The following SIPA1L1 variants were observed in gnomAD, a reference collection of about 807,000 sequenced individuals.
SIPA1L1 encodes the protein signal-induced proliferation-associated 1-like protein 1.
SIPA1L1 carries 26 observed loss-of-function variants against 162.7 expected under a neutral mutation model. The observed-to-expected ratio is 0.16, with a 90% CI of 0.12 to 0.22. SIPA1L1 has a LOEUF of 0.22. SIPA1L1 is among the 10% of genes least tolerant of loss of function. The pLI is 1.00. For missense variants in SIPA1L1, 1,874 were observed against 2,241.0 expected (o/e 0.84, Z 3.31); for synonymous variants, 829 against 837.4 (o/e 0.99, Z 0.17).
intron 7 of SIPA1L1, among the ~76,000 whole-genome samples, chr14:71,627,712 G>C (rs2040174800): frequency 6.6e-6 from 1 of 152,018 alleles, no homozygotes; most frequent in South Asian, 2.1e-4. Context: ...CAGCAACCCT[G>C]TGCAATAGAT....
chr14:71,516,844 G>A (rs944166670), intron 3 of SIPA1L1, among the ~76,000 whole-genome samples: 8 of 151,880 alleles, frequency 5.3e-5, no homozygotes, highest in Non-Finnish European at 1.2e-4. Context: ...GTGGTGGCGG[G>A]CGCCTGTAAT....
At position 71,324,973 on chromosome 14, in the gene SIPA1L1, G is replaced by A. The variant is rs369883837; in HGVS notation, c.-465+3792G>A. 3.8e-4 allele frequency among the ~76,000 whole-genome samples: 58 copies of A among 152,274 alleles called. No homozygotes were observed. The East Asian group carries it at 6.8e-3, about 18-fold the overall frequency. On this transcript the variant is annotated intron_variant, in intron 2 of 23. Coordinates refer to ENST00000381232, the MANE Select transcript of SIPA1L1 (RefSeq NM_001386936.1). ...ATGTTGCGCCACCCTACCTTCCAGT[G>A]GAGTAATCTGAGCCAGCAGAGAAGA...
chr14:71,627,408 A>G (rs1041453270), intron 7 of SIPA1L1, among the ~76,000 whole-genome samples: 1 of 151,942 alleles, frequency 6.6e-6, no homozygotes, highest in Non-Finnish European at 1.5e-5. Flanking sequence ...TGGCCTCCCA[A>G]AGTGCTGGAA....
At chr14:71,674,570 G>GT (rs146359962) in intron 12 of SIPA1L1, among the ~76,000 whole-genome samples, 3,264 of 114,112 alleles carry the variant, frequency 0.029, 143 homozygotes, top group African/African-American at 0.095. Flanking sequence ...GTTTTTTTTT[G>GT]TTTTTTTTTT....
At chr14:71,336,409 TTC>T (rs1345693266) in intron 2 of SIPA1L1, among the ~76,000 whole-genome samples, 1 of 152,172 alleles carries the variant, frequency 6.6e-6, no homozygotes, top group Non-Finnish European at 1.5e-5. Flanking sequence ...CTAACCTACT[TTC>T]TGTCTTTATA....
chr14:71,519,131 C>T (rs2052037823), intron 3 of SIPA1L1, among the ~76,000 whole-genome samples: 2 of 151,718 alleles, frequency 1.3e-5, no homozygotes, highest in African/African-American at 2.4e-5. Flanking sequence ...CCCATCCCTA[C>T]AAAAAACTAG....
intron 7 of SIPA1L1, among the ~76,000 whole-genome samples, chr14:71,649,910 T>C (rs981469333): frequency 6.6e-6 from 1 of 152,116 alleles, no homozygotes; most frequent in African/African-American, 2.4e-5. Context: ...CAAAACAGTT[T>C]ATTTTAAAAT....
At chr14:71,581,173 A>G (rs2033878095) in intron 4 of SIPA1L1, among the ~76,000 whole-genome samples, 1 of 152,058 alleles carries the variant, frequency 6.6e-6, no homozygotes, top group Non-Finnish European at 1.5e-5. Flanking sequence ...GTTTAATAAA[A>G]TTAGTGGTGG....
At chr14:71,482,580 A>G (rs989275655) in intron 2 of SIPA1L1, among the ~76,000 whole-genome samples, 3 of 152,218 alleles carry the variant, frequency 2.0e-5, no homozygotes, top group African/African-American at 4.8e-5. Context: ...AACGCGCCTC[A>G]TTAAATCTGT....
At chr14:71,400,459 A>G (rs2041583936) in intron 2 of SIPA1L1, among the ~76,000 whole-genome samples, 1 of 152,020 alleles carries the variant, frequency 6.6e-6, no homozygotes, top group Non-Finnish European at 1.5e-5. Flanking sequence ...ATGCTTTGCA[A>G]AGGAGCAAAT....
chr14:71,327,808 T>C (rs1312231307), intron 2 of SIPA1L1, among the ~76,000 whole-genome samples: 3 of 152,230 alleles, frequency 2.0e-5, no homozygotes, highest in Non-Finnish European at 4.4e-5. Flanking sequence ...CCTCAGAAGC[T>C]TCTGCCAGTA....
chr14:71,563,561 GA>G (rs1290551445), intron 4 of SIPA1L1, among the ~76,000 whole-genome samples: 1 of 152,120 alleles, frequency 6.6e-6, no homozygotes, highest in African/African-American at 2.4e-5. Context: ...ATCTTCAAAT[GA>G]TTTTGAGTGT....
intron 2 of SIPA1L1, among the ~76,000 whole-genome samples, chr14:71,346,456 A>G (rs1225429670): frequency 6.6e-6 from 1 of 152,212 alleles, no homozygotes; most frequent in East Asian, 1.9e-4. Context: ...CCTCTTGCAC[A>G]TGAGATTTTT....
chr14:71,554,672 T>G lies in SIPA1L1; in HGVS notation c.-303+25302T>G, dbSNP rs576627916. ...TCCTGTGATTTGATTCTTCATAAAA[T>G]TTTTTGGTGAGGTTTTGGGAATTTC... On this transcript the variant is annotated intron_variant, in intron 4 of 23. Coordinates refer to ENST00000381232, the MANE Select transcript of SIPA1L1 (RefSeq NM_001386936.1). Among the ~76,000 whole-genome samples, 13 of 152,338 alleles carry G rather than the reference T, an allele frequency of 8.5e-5. No individual in the cohort carries two copies. The South Asian group carries it at 2.7e-3, about 32-fold the overall frequency.
At chr14:71,564,126 T>A (rs1045113844) in intron 4 of SIPA1L1, among the ~76,000 whole-genome samples, 2 of 151,978 alleles carry the variant, frequency 1.3e-5, no homozygotes, top group African/African-American at 4.8e-5. Context: ...TTTAAATTTG[T>A]TTTTTTGAGA....
chr14:71,564,111 C>G (rs1353367571), intron 4 of SIPA1L1, among the ~76,000 whole-genome samples: 2 of 151,928 alleles, frequency 1.3e-5, no homozygotes, highest in Non-Finnish European at 2.9e-5. Context: ...CATGCCTGGC[C>G]AATTTTTAAA....
At chr14:71,667,265 T>A (rs1463043192) in intron 10 of SIPA1L1, among the ~76,000 whole-genome samples, 1 of 152,162 alleles carries the variant, frequency 6.6e-6, no homozygotes, top group Non-Finnish European at 1.5e-5. Flanking sequence ...TCCCTCCATC[T>A]GATGAATTCC....
intron 16 of SIPA1L1, 35 bp downstream of exon 16, chr14:71,705,375 T>A (rs1253784902): frequency 7.0e-7 from 1 of 1,424,322 alleles, no homozygotes; most frequent in Non-Finnish European, 9.9e-7. Flanking sequence ...AGTATTAGAT[T>A]CCTAGCAGTG....
At chr14:71,652,647 CT>C (rs560430162) in intron 8 of SIPA1L1, among the ~76,000 whole-genome samples, 2 of 150,380 alleles carry the variant, frequency 1.3e-5, no homozygotes, top group Non-Finnish European at 3.0e-5. Flanking sequence ...TCCCCCTAAC[CT>C]TTTTTTTTCC....
Sources: gnomAD v4.1 joint callset for allele counts (sites outside exome capture counted in the v4.1 genomes callset) on GRCh38, gnomAD v4.1.1 for gene constraint, MANE v1.5 for transcripts, NCBI Gene and HGNC (gene_info 2026-07-23, HGNC 2026-07-21) for gene names.